Variants in TANC2 observed in about 807,000 individuals in gnomAD.
TANC2 encodes the protein tetratricopeptide repeat, ankyrin repeat and coiled-coil containing 2.
In TANC2, 26 loss-of-function variants were observed where a neutral mutation model predicts 210.5. That is an observed-to-expected ratio of 0.12 (90% CI 0.09 to 0.17). TANC2 has a LOEUF of 0.17. TANC2 is among the 10% of genes least tolerant of loss of function. TANC2 has a pLI of 1.00. For synonymous variants in TANC2, 931 were observed against 967.1 expected, an observed-to-expected ratio of 0.96 and a Z score of 0.69; for missense variants, 2,129 against 2,608.9, an observed-to-expected ratio of 0.82 and a Z score of 4.01.
intron 2 of TANC2, among the ~76,000 whole-genome samples, chr17:63,062,085 T>A (rs1299002717): frequency 4.6e-5 from 7 of 152,200 alleles, no homozygotes; most frequent in Non-Finnish European, 8.8e-5. Flanking sequence ...TAATTTTTTT[T>A]AATAAGCCTT....
chr17:63,112,260 A>G (rs189414139), intron 4 of TANC2, among the ~76,000 whole-genome samples: 81 of 152,300 alleles, frequency 5.3e-4, no homozygotes, highest in African/African-American at 1.9e-3. Context: ...GGTAGCACTC[A>G]TGAAGTAGAT....
chr17:63,125,274 G>T (rs946925864), intron 4 of TANC2: 1 of 152,180 alleles, frequency 6.6e-6, no homozygotes, highest in African/African-American at 2.4e-5. Context: ...CAGGAAAAAT[G>T]CTTACAACAG....
intron 11 of TANC2, among the ~76,000 whole-genome samples, chr17:63,320,861 A>G (rs1455692708): frequency 1.3e-5 from 2 of 152,098 alleles, no homozygotes; most frequent in Non-Finnish European, 2.9e-5. Flanking sequence ...TTTCCTCACC[A>G]CCATTTCCTC....
intron 8 of TANC2, among the ~76,000 whole-genome samples, chr17:63,257,453 G>C (rs538182808): frequency 9.2e-5 from 14 of 151,702 alleles, no homozygotes; most frequent in African/African-American, 3.4e-4. Flanking sequence ...CACCTCCTGG[G>C]CTCAAGTGAT....
intron 6 of TANC2, among the ~76,000 whole-genome samples, chr17:63,195,793 C>G (rs1179757439): frequency 6.6e-6 from 1 of 152,108 alleles, no homozygotes. Context: ...CTACTGTATT[C>G]CCATCATACT....
At chr17:63,325,176 A>G (rs1223317862) in intron 11 of TANC2, among the ~76,000 whole-genome samples, 1 of 152,030 alleles carries the variant, frequency 6.6e-6, no homozygotes, top group Non-Finnish European at 1.5e-5. Flanking sequence ...CTCAACCTCT[A>G]ATTAAGACAA....
At chr17:63,422,078 G>A in exon 28 of TANC2, 10 of 1,275,116 alleles carry the variant, frequency 7.8e-6, no homozygotes, top group South Asian at 1.6e-5. Flanking sequence ...TTCAGAGGTG[G>A]CAGCCCACAT....
At chr17:63,040,500 A>G (rs1188956343) in intron 2 of TANC2, among the ~76,000 whole-genome samples, 1 of 152,056 alleles carries the variant, frequency 6.6e-6, no homozygotes, top group Non-Finnish European at 1.5e-5. Context: ...TTGAGACGAG[A>G]TGTTTACTTA....
At chr17:63,032,245 C>T (rs1170820755) in intron 2 of TANC2, among the ~76,000 whole-genome samples, 1 of 152,148 alleles carries the variant, frequency 6.6e-6, no homozygotes, top group Non-Finnish European at 1.5e-5. Flanking sequence ...TCCATAAGCT[C>T]ATGGGTAGGT....
At position 63,242,500 on chromosome 17, in the gene TANC2, A is replaced by G. The variant is rs568162792; in HGVS notation, c.1033+4423A>G. Among the ~76,000 whole-genome samples the G allele has an allele frequency of 1.6e-4, 24 of 152,188 alleles. 1 individual carries two copies. In the East Asian group the frequency reaches 4.2e-3, roughly 27 times the overall value. ...TCCATGGATATGGATGGCCAACTAA[A>G]AGGGACTTGAGCATTTGCAGATTGC... On this transcript the variant is annotated intron_variant, in intron 8 of 27. Coordinates refer to ENST00000689528, the Ensembl canonical transcript of TANC2.
At chr17:63,221,513 TATCTC>T (rs1280456024) in intron 7 of TANC2, among the ~76,000 whole-genome samples, 12 of 151,860 alleles carry the variant, frequency 7.9e-5, no homozygotes, top group Non-Finnish European at 1.5e-4. Flanking sequence ...TTCAAACACT[TATCTC>T]ATAAAAGAGT....
intron 25 of TANC2, 69 bp from the exon 26 acceptor site, chr17:63,415,459 G>A: frequency 6.3e-7 from 1 of 1,576,332 alleles, no homozygotes; most frequent in Non-Finnish European, 8.6e-7. Flanking sequence ...GAAGAAGGGA[G>A]TGGGGACCAC....
chr17:63,075,596 G>C (rs544923809), intron 3 of TANC2, among the ~76,000 whole-genome samples: 19 of 152,074 alleles, frequency 1.2e-4, no homozygotes, highest in Non-Finnish European at 2.5e-4. Context: ...GCAATGGCTT[G>C]ATCTTGGCTC....
chr17:63,249,233 T>G (rs763516490), intron 8 of TANC2, among the ~76,000 whole-genome samples: 23 of 152,202 alleles, frequency 1.5e-4, no homozygotes, highest in Non-Finnish European at 1.9e-4. Context: ...GAATATAAAC[T>G]TAGCTGTTCA....
chr17:62,992,147 C>G (rs965160243), intron 1 of TANC2, among the ~76,000 whole-genome samples: 1 of 152,154 alleles, frequency 6.6e-6, no homozygotes, highest in Non-Finnish European at 1.5e-5. Flanking sequence ...ACGTAATAGA[C>G]TTAAGCATCT....
chr17:63,036,494 A>G (rs1446725674), intron 2 of TANC2, among the ~76,000 whole-genome samples: 1 of 152,180 alleles, frequency 6.6e-6, no homozygotes, highest in Non-Finnish European at 1.5e-5. Context: ...CCAGTACTGC[A>G]CTGTCTTGAT....
At chr17:63,221,018 A>G (rs1206876776) in intron 7 of TANC2, among the ~76,000 whole-genome samples, 1 of 152,060 alleles carries the variant, frequency 6.6e-6, no homozygotes, top group East Asian at 1.9e-4. Flanking sequence ...TAGATTTAAC[A>G]TAAGCCTAAG....
intron 8 of TANC2, among the ~76,000 whole-genome samples, chr17:63,265,806 G>GT (rs937964335): frequency 4.8e-3 from 521 of 108,332 alleles, no homozygotes; most frequent in East Asian, 0.012. Context: ...TACACTTTCT[G>GT]TTTTTTTTTT....
intron 8 of TANC2, among the ~76,000 whole-genome samples, chr17:63,256,916 A>G (rs559293927): frequency 1.3e-5 from 2 of 152,274 alleles, no homozygotes; most frequent in African/African-American, 4.8e-5. Context: ...TTTGTCTGAT[A>G]TAACTATAGC....
Sources: allele counts gnomAD v4.1 joint callset (sites outside exome capture counted in the v4.1 genomes callset), GRCh38; gene constraint gnomAD v4.1.1; transcripts MANE v1.5; gene names NCBI Gene and HGNC (gene_info 2026-07-23, HGNC 2026-07-21).